Variants in DAP3 observed in about 807,000 individuals in gnomAD.
The protein encoded by DAP3 is small ribosomal subunit protein mS29.
A neutral mutation model predicts 51.9 loss-of-function variants in DAP3; 28 were observed. That is an observed-to-expected ratio of 0.54 (90% confidence interval 0.40 to 0.74). The LOEUF (loss-of-function observed/expected upper bound fraction) is 0.74, where lower values mean the gene tolerates loss of function less well. DAP3 is among the 30% of genes least tolerant of loss of function. DAP3 has a pLI of 0.00. For synonymous variants in DAP3, 170 were observed against 170.3 expected, an observed-to-expected ratio of 1.00 and a Z score of 0.01; for missense variants, 458 against 483.5, an observed-to-expected ratio of 0.95 and a Z score of 0.49.
intron 1 of DAP3, among the ~76,000 whole-genome samples, chr1:155,705,469 C>CCA (rs1437043661): frequency 6.7e-6 from 1 of 150,030 alleles, no homozygotes; most frequent in East Asian, 2.0e-4. Context: ...ATATGCCAGG[C>CCA]AATGGCACCT....
At chr1:155,727,267 T>G (rs1658709017) in intron 6 of DAP3, among the ~76,000 whole-genome samples, 1 of 152,118 alleles carries the variant, frequency 6.6e-6, no homozygotes, top group South Asian at 2.1e-4. Context: ...AAGTGATATT[T>G]AATACACTTG....
chr1:155,711,439 G>C (rs1656688282), intron 2 of DAP3, among the ~76,000 whole-genome samples: 1 of 152,060 alleles, frequency 6.6e-6, no homozygotes, highest in Admixed American at 6.6e-5. Context: ...GTTGCAGTGA[G>C]CCAAGATCAC....
At chr1:155,722,085 A>G (rs1050532824) in intron 4 of DAP3, 4 of 174,170 alleles carry the variant, frequency 2.3e-5, no homozygotes, top group Non-Finnish European at 3.7e-5. Context: ...AGTGTGGTTT[A>G]TTTCGGGAAA....
At chr1:155,690,171 T>G (rs1335849013) in intron 1 of DAP3, among the ~76,000 whole-genome samples, 1 of 141,526 alleles carries the variant, frequency 7.1e-6, no homozygotes, top group Non-Finnish European at 1.5e-5. Flanking sequence ...TTTACAAAAT[T>G]TTTAAAGAGT....
At chr1:155,720,648 CA>C (rs1233364354) in intron 3 of DAP3, among the ~76,000 whole-genome samples, 5 of 139,470 alleles carry the variant, frequency 3.6e-5, no homozygotes, top group Admixed American at 2.2e-4. Flanking sequence ...AACTCCATCT[CA>C]AAAAAAAAAC....
chr1:155,726,064 C>CCTGTTA (rs1658544262), intron 6 of DAP3, 45 bp downstream of exon 6: 1 of 1,492,468 alleles, frequency 6.7e-7, no homozygotes, highest in Admixed American at 1.7e-5. Flanking sequence ...GTTTAGTTAT[C>CCTGTTA]CTGTTACTGT....
chr1:155,688,314 C>G (rs917973173), upstream of DAP3: 8 of 1,560,506 alleles, frequency 5.1e-6, no homozygotes, highest in Admixed American at 1.9e-5. Flanking sequence ...AAAGCGAACC[C>G]AAAATGGCGG....
At chr1:155,714,066 T>G (rs1657043338) in intron 2 of DAP3, among the ~76,000 whole-genome samples, 1 of 151,970 alleles carries the variant, frequency 6.6e-6, no homozygotes, top group Non-Finnish European at 1.5e-5. Context: ...AGAGGGAAGT[T>G]GAAGTAGAAT....
At chr1:155,738,016 G>A (rs1659983703) in intron 12 of DAP3, 141 bp from the exon 13 acceptor site, 3 of 744,558 alleles carry the variant, frequency 4.0e-6, no homozygotes, top group Non-Finnish European at 6.7e-6. Flanking sequence ...TGGGGTGAGG[G>A]TCTAGAAGTA....
rs1374303772 is a variant in DAP3, at chr1:155,735,036, G to A, written c.994-1910G>A. ...TCCCAGCACTTTGGGAGGCCGAGGC[G>A]GGCAGATCACGAGGTCAGGAGATCT... is the stretch of plus-strand genomic sequence containing the variant. On this transcript the variant is annotated intron_variant, in intron 11 of 12. Coordinates refer to ENST00000368336, the MANE Select transcript of DAP3 (RefSeq NM_004632.4). Among the ~76,000 whole-genome samples, 3 of 151,662 alleles carry A rather than the reference G, an allele frequency of 2.0e-5. 1 individual carries two copies. Among genetic ancestry groups the A allele is most frequent in the African/African-American group, 2.4e-5 (1 of 41,362 alleles).
chr1:155,736,545 T>C (rs1456070069), intron 11 of DAP3: 7 of 229,736 alleles, frequency 3.0e-5, no homozygotes, highest in Non-Finnish European at 6.0e-5. Context: ...GCCTCCCGAG[T>C]ACCTGGGGCT....
At chr1:155,726,890 T>C (rs1467103703) in intron 6 of DAP3, 1 of 152,178 alleles carries the variant, frequency 6.6e-6, no homozygotes, top group African/African-American at 2.4e-5. Context: ...CCAAGCAGAT[T>C]ATAAGGTGAA....
At chr1:155,696,942 T>C (rs1034219777) in intron 1 of DAP3, among the ~76,000 whole-genome samples, 1 of 152,220 alleles carries the variant, frequency 6.6e-6, no homozygotes, top group Non-Finnish European at 1.5e-5. Flanking sequence ...ATGGGAGCCC[T>C]GGTTGTAAAG....
rs1231268327 is a variant in DAP3 at position 155,738,297 on chromosome 1, A to G, written c.*55A>G. ...TGGACATCTGCTTTATGCTGGACCCAGTAAGATGAGGAAGTCGGGCAGTAC... is the reference window on the plus strand; with the variant it reads ...TGGACATCTGCTTTATGCTGGACCCGGTAAGATGAGGAAGTCGGGCAGTAC... On this transcript the variant is annotated 3_prime_UTR_variant, in exon 13 of 13. Coordinates refer to ENST00000368336, the MANE Select transcript of DAP3 (RefSeq NM_004632.4). The G allele has an allele frequency of 1.6e-5, 26 of 1,594,840 alleles. No individual in the cohort carries two copies. The highest frequency in any genetic ancestry group is 2.1e-5 in the Non-Finnish European group (25 of 1,165,050).
intron 1 of DAP3, among the ~76,000 whole-genome samples, chr1:155,700,066 A>G (rs947947990): frequency 1.3e-5 from 2 of 151,992 alleles, no homozygotes; most frequent in Admixed American, 6.6e-5. Flanking sequence ...CCTCCCCTCT[A>G]GCTGGGACTA....
intron 2 of DAP3, among the ~76,000 whole-genome samples, chr1:155,710,761 A>G (rs746970579): frequency 6.6e-6 from 1 of 152,172 alleles, no homozygotes; most frequent in Non-Finnish European, 1.5e-5. Flanking sequence ...TGAGGTTGCA[A>G]AGCCCACACG....
intron 1 of DAP3, among the ~76,000 whole-genome samples, chr1:155,698,238 G>A (rs1418297355): frequency 6.6e-6 from 1 of 152,152 alleles, no homozygotes; most frequent in East Asian, 1.9e-4. Flanking sequence ...AGTAAAGACA[G>A]GCATAGGAAA....
At position 155,738,549 on chromosome 1, in the gene DAP3, A is replaced by C; in HGVS notation, c.*307A>C. ...TCTAAAGTGTTGTGTTAGATTAATA[A>C]TATGGAAGGAGTCTTTAGATTGGCC... is the stretch of plus-strand genomic sequence containing the variant. On this transcript the variant is annotated 3_prime_UTR_variant, in exon 13 of 13. Transcript: ENST00000368336. 1 of 269,176 alleles carries C rather than the reference A, an allele frequency of 3.7e-6. No homozygotes were observed. Among genetic ancestry groups the C allele is most frequent in the Non-Finnish European group, 7.0e-6 (1 of 142,266 alleles). The allele number at this position is 269,176 out of a possible 1,614,324, so 16.7% of individuals were successfully genotyped here. A position where few individuals can be genotyped will look rare whatever the true frequency, so the allele number is the denominator to read the frequency against.
chr1:155,715,527 A>G (rs1250152115), intron 2 of DAP3, among the ~76,000 whole-genome samples: 1 of 112,544 alleles, frequency 8.9e-6, no homozygotes, highest in Non-Finnish European at 1.7e-5. Flanking sequence ...GTCTTAAAAA[A>G]AAGAGAGAGA....
Sources: allele counts gnomAD v4.1 joint callset (sites outside exome capture counted in the v4.1 genomes callset), GRCh38; gene constraint gnomAD v4.1.1; transcripts MANE v1.5; gene names NCBI Gene and HGNC (gene_info 2026-07-23, HGNC 2026-07-21).